HSD17B2: variants seen among roughly 807,000 people sequenced by gnomAD.
HSD17B2 encodes hydroxysteroid 17-beta dehydrogenase 2, also known as 17-beta-hydroxysteroid dehydrogenase type 2.
A neutral mutation model predicts 26.9 loss-of-function variants in HSD17B2; 32 were observed. That is an observed-to-expected ratio of 1.19 (90% CI 0.90 to 1.60). The LOEUF (loss-of-function observed/expected upper bound fraction) is 1.60. Among genes scored for constraint, HSD17B2 ranks in the 40% most tolerant of loss-of-function variants. The pLI, the probability that HSD17B2 is intolerant of heterozygous loss-of-function variation, is 0.00. For missense variants in HSD17B2, 613 were observed against 468.6 expected (o/e 1.31, Z -2.85); for synonymous variants, 246 against 186.7 (o/e 1.32, Z -2.59).
intron 1 of HSD17B2, among the ~76,000 whole-genome samples, chr16:82,064,865 C>T (rs1567585315): frequency 1.3e-5 from 2 of 152,170 alleles, no homozygotes; most frequent in Non-Finnish European, 2.9e-5. Flanking sequence ...CCCATATCTC[C>T]ATGTGCATGA....
chr16:82,097,795 C>T (rs8191242), intron 4 of HSD17B2: 12 of 216,910 alleles, frequency 5.5e-5, no homozygotes, highest in Admixed American at 3.3e-4. Flanking sequence ...AAAAATTAGC[C>T]GGGCATGTTG....
chr16:82,091,334 A>G, intron 4 of HSD17B2: 2 of 415,848 alleles, frequency 4.8e-6, no homozygotes, highest in East Asian at 5.4e-5. Flanking sequence ...AGGGTCCATC[A>G]GTGTCCATGC....
In HSD17B2 at chr16:82,035,329, G is replaced by T. The variant is rs1028677734; in HGVS notation, c.-96G>T. ...GGGCTGCTTTCTCCCCTCCCTTCTT[G>T]ACTCTCTGTTCACAGAACTCAGGCT... On this transcript the variant is annotated 5_prime_UTR_variant, in exon 1 of 5. Coordinates refer to ENST00000199936, the MANE Select transcript of HSD17B2 (RefSeq NM_002153.3). 1 of 1,204,902 alleles carries T rather than the reference G, an allele frequency of 8.3e-7. No individual in the cohort carries two copies. Among genetic ancestry groups the T allele is most frequent in the Non-Finnish European group, 1.2e-6 (1 of 849,416 alleles). 74.6% of individuals were successfully genotyped at this position (1,204,902 alleles called of 1,614,324 possible). A position where few individuals can be genotyped will look rare whatever the true frequency, so the allele number is the denominator to read the frequency against.
chr16:82,091,537 T>C (rs1026839532), intron 4 of HSD17B2: 3 of 171,370 alleles, frequency 1.8e-5, no homozygotes, highest in Non-Finnish European at 3.7e-5. Context: ...TAGTAAGTAT[T>C]TCAGGAAAGG....
chr16:82,080,107 A>G (rs1305480030), intron 3 of HSD17B2, among the ~76,000 whole-genome samples: 1 of 152,202 alleles, frequency 6.6e-6, no homozygotes, highest in African/African-American at 2.4e-5. Flanking sequence ...GGAAAAACTG[A>G]GCTGGAATTG....
At chr16:82,053,294 C>T (rs903392202) in intron 1 of HSD17B2, among the ~76,000 whole-genome samples, 2 of 152,104 alleles carry the variant, frequency 1.3e-5, no homozygotes, top group East Asian at 1.9e-4. Context: ...AACCAAAAGT[C>T]TTACAGGTAG....
At chr16:82,071,590 C>T (rs978899357) in intron 3 of HSD17B2, 1 of 286,728 alleles carries the variant, frequency 3.5e-6, no homozygotes, top group African/African-American at 2.2e-5. Flanking sequence ...AAGATTGTCC[C>T]CAGTGTTGAG....
intron 3 of HSD17B2, among the ~76,000 whole-genome samples, chr16:82,079,414 A>G (rs953557885): frequency 2.0e-5 from 3 of 152,158 alleles, no homozygotes; most frequent in Admixed American, 6.5e-5. Context: ...TCACATGGTC[A>G]TCTCTCTGTC....
intron 1 of HSD17B2, among the ~76,000 whole-genome samples, chr16:82,049,382 G>T (rs576869082): frequency 2.0e-5 from 3 of 152,332 alleles, no homozygotes; most frequent in Admixed American, 6.5e-5. Context: ...TCTCCTAGAT[G>T]ACGGGTCATG....
chr16:82,044,826 C>T (rs758889767), intron 1 of HSD17B2, among the ~76,000 whole-genome samples: 1 of 152,010 alleles, frequency 6.6e-6, no homozygotes, highest in African/African-American at 2.4e-5. Context: ...TCCAGAAAAC[C>T]AACACTTCTG....
chr16:82,097,303 T>TAC (rs1351801887), intron 4 of HSD17B2: 1 of 151,480 alleles, frequency 6.6e-6, no homozygotes, highest in Non-Finnish European at 1.5e-5. Context: ...TATATATATA[T>TAC]ACACATATAT....
rs753561019 is a variant in HSD17B2, at chr16:82,035,474, C to A, written c.50C>A (p.Thr17Lys). 1 of 1,613,770 alleles carries A rather than the reference C, an allele frequency of 6.2e-7. No individual in the cohort carries two copies. The highest frequency in any genetic ancestry group is 1.3e-5 in the African/African-American group (1 of 74,918). ...DTAWICLAVP[T>K]VLCGTVFCKY... ...GCATGGATCTGCCTGGCTGTCCCCACAGTACTATGTGGGACAGTATTTTGC... is the reference window on the plus strand; with the variant it reads ...GCATGGATCTGCCTGGCTGTCCCCAAAGTACTATGTGGGACAGTATTTTGC... Residue 17 changes from threonine to lysine, a missense_variant, in exon 1 of 5, where the codon ACA becomes AAA. Coordinates refer to ENST00000199936, the MANE Select transcript of HSD17B2 (RefSeq NM_002153.3).
Position 82,035,322 on chromosome 16 carries a change from C to T in HSD17B2, c.-103C>T. 1 of 1,100,652 alleles carries T rather than the reference C, an allele frequency of 9.1e-7. No individual in the cohort carries two copies. The allele number at this position is 1,100,652 out of a possible 1,614,324, so 68.2% of individuals were successfully genotyped here. ...GGGGCTGGGGCTGCTTTCTCCCCTC[C>T]CTTCTTGACTCTCTGTTCACAGAAC... On this transcript the variant is annotated 5_prime_UTR_variant, in exon 1 of 5. Coordinates refer to ENST00000199936, the MANE Select transcript of HSD17B2 (RefSeq NM_002153.3).
intron 2 of HSD17B2, among the ~76,000 whole-genome samples, chr16:82,069,220 C>G (rs1344303539): frequency 6.6e-6 from 1 of 152,196 alleles, no homozygotes; most frequent in East Asian, 1.9e-4. Flanking sequence ...CAGCTCCACC[C>G]ATGTCCCTGC....
chr16:82,047,609 C>T (rs1913973319), intron 1 of HSD17B2, among the ~76,000 whole-genome samples: 1 of 152,128 alleles, frequency 6.6e-6, no homozygotes, highest in Non-Finnish European at 1.5e-5. Context: ...ATGTAGGAGA[C>T]TGGGGTAGAG....
At chr16:82,060,443 C>A (rs957209303) in intron 1 of HSD17B2, among the ~76,000 whole-genome samples, 1 of 152,152 alleles carries the variant, frequency 6.6e-6, no homozygotes, top group Admixed American at 6.5e-5. Flanking sequence ...GGGGGAGCCC[C>A]GGAGGTCCTC....
intron 1 of HSD17B2, among the ~76,000 whole-genome samples, chr16:82,065,040 A>G (rs1253107471): frequency 1.3e-5 from 2 of 152,234 alleles, no homozygotes; most frequent in Non-Finnish European, 2.9e-5. Flanking sequence ...AGGTGGAGTT[A>G]CACAGGACAA....
chr16:82,073,443 C>T (rs1914743244), intron 3 of HSD17B2, among the ~76,000 whole-genome samples: 1 of 152,156 alleles, frequency 6.6e-6, no homozygotes, highest in Middle Eastern at 3.4e-3. Context: ...CCAGGAAGAT[C>T]TCGATCTCCC....
intron 3 of HSD17B2, among the ~76,000 whole-genome samples, chr16:82,088,181 C>G (rs1213224365): frequency 6.6e-6 from 1 of 152,116 alleles, no homozygotes; most frequent in Admixed American, 6.5e-5. Flanking sequence ...TCTTAGTAAT[C>G]CACATAGTAA....
Sources: allele counts gnomAD v4.1 joint callset (sites outside exome capture counted in the v4.1 genomes callset), GRCh38; gene constraint gnomAD v4.1.1; transcripts MANE v1.5; gene names NCBI Gene and HGNC (gene_info 2026-07-23, HGNC 2026-07-21).